RANBP2: variants seen among roughly 807,000 people sequenced by gnomAD.
RANBP2 encodes E3 SUMO-protein ligase RanBP2.
A neutral mutation model predicts 303.6 loss-of-function variants in RANBP2; 57 were observed. The ratio of observed to expected loss-of-function variants is 0.19; its 90% CI spans 0.15 to 0.23. The LOEUF (loss-of-function observed/expected upper bound fraction) is 0.23. Ranked by LOEUF, RANBP2 falls within the 10% of genes least tolerant of loss-of-function variation. The probability of loss-of-function intolerance (pLI) is 1.00; values close to 1 mark genes in which losing one functional copy is unlikely to be tolerated. For missense variants in RANBP2, 3,138 were observed against 3,780.8 expected (o/e 0.83, Z 4.46); for synonymous variants, 1,167 against 1,301.5 (o/e 0.90, Z 2.23).
chr2:109,516,210 C>T, the RANBP2 span, among the ~76,000 whole-genome samples: 4 of 152,082 alleles, frequency 2.6e-5, no homozygotes, highest in Admixed American at 6.5e-5. Context: ...CACATGGGCC[C>T]GAGCAGGTGA....
the RANBP2 span, among the ~76,000 whole-genome samples, chr2:109,078,211 G>GTGTATA: frequency 5.5e-5 from 2 of 36,478 alleles, 1 homozygote; most frequent in African/African-American, 2.2e-4. Context: ...TATATATAGC[G>GTGTATA]TATATATATA....
At chr2:109,659,102 C>A in the RANBP2 span, among the ~76,000 whole-genome samples, 1 of 149,868 alleles carries the variant, frequency 6.7e-6, no homozygotes, top group South Asian at 2.1e-4. Context: ...CACAGCCAAG[C>A]GCAGTGGCTT....
rs149298080 is a variant in RANBP2 at position 108,767,986 on chromosome 2, A to G, written c.7447A>G (p.Ile2483Val). ...AACCACAAGAGAGAGGACAGATGTT[A>G]TTCAGGGTGATGATGTAGCAGATGC... is the stretch of plus-strand genomic sequence containing the variant. ...EETTRERTDV[I>V]QGDDVADATS... Residue 2483 changes from isoleucine to valine, a missense_variant, in exon 20 of 29, where the codon ATT (isoleucine) becomes GTT (valine). By Grantham distance (29) the Ile-to-Val change is conservative (BLOSUM62 3). Transcript: ENST00000283195. 2 of 1,611,902 alleles carry G rather than the reference A, an allele frequency of 1.2e-6. No individual in the cohort carries two copies. The highest frequency in any genetic ancestry group is 1.7e-6 in the Non-Finnish European group (2 of 1,179,864).
the RANBP2 span, among the ~76,000 whole-genome samples, chr2:109,072,374 T>C: frequency 6.6e-6 from 1 of 152,168 alleles, no homozygotes; most frequent in Middle Eastern, 3.2e-3. Context: ...ATGCACTCAC[T>C]CTCCAGGCTT....
At chr2:109,705,059 G>A in the RANBP2 span, among the ~76,000 whole-genome samples, 3 of 142,604 alleles carry the variant, frequency 2.1e-5, no homozygotes, top group South Asian at 4.6e-4. Context: ...GGTCAACAGG[G>A]CAAGACTCCC....
chr2:108,824,700 A>T, the RANBP2 span, among the ~76,000 whole-genome samples: 1 of 152,240 alleles, frequency 6.6e-6, no homozygotes, highest in African/African-American at 2.4e-5. Flanking sequence ...TATCTTTATC[A>T]AGTAGTATGT....
At chr2:109,291,300 A>G in the RANBP2 span, among the ~76,000 whole-genome samples, 2 of 135,708 alleles carry the variant, frequency 1.5e-5, no homozygotes, top group South Asian at 4.6e-4. Flanking sequence ...TTTTTTTTGC[A>G]TTATGCTTGA....
chr2:109,392,957 G>A, the RANBP2 span, among the ~76,000 whole-genome samples: 1 of 152,334 alleles, frequency 6.6e-6, no homozygotes. Context: ...CAGTGTCAAA[G>A]GGAATCCTTC....
chr2:109,434,406 C>T, the RANBP2 span, among the ~76,000 whole-genome samples: 81 of 152,200 alleles, frequency 5.3e-4, 2 homozygotes, highest in African/African-American at 1.9e-3. Context: ...AGAACTTCCG[C>T]AGACCTTCAG....
the RANBP2 span, among the ~76,000 whole-genome samples, chr2:109,290,349 A>G: frequency 1.3e-5 from 2 of 152,250 alleles, no homozygotes; most frequent in East Asian, 3.9e-4. Context: ...TAAATGAGTG[A>G]TAAGAGAAAT....
the RANBP2 span, among the ~76,000 whole-genome samples, chr2:109,629,347 ATATATATATTTTTTTT>A: frequency 4.8e-4 from 3 of 6,302 alleles, no homozygotes; most frequent in African/African-American, 1.8e-3. Flanking sequence ...ATATATATAT[ATATATATATTTTTTTT>A]TTTTTTTTCA....
the RANBP2 span, among the ~76,000 whole-genome samples, chr2:108,982,568 A>C: frequency 6.6e-6 from 1 of 152,260 alleles, no homozygotes; most frequent in Non-Finnish European, 1.5e-5. Flanking sequence ...CAACTGTGAT[A>C]ATCATCAGGA....
the RANBP2 span, among the ~76,000 whole-genome samples, chr2:109,119,334 C>T: frequency 6.6e-6 from 1 of 152,180 alleles, no homozygotes; most frequent in African/African-American, 2.4e-5. Flanking sequence ...GCTCTTCCCC[C>T]GAGGTTGGTT....
chr2:109,426,407 T>C, the RANBP2 span, among the ~76,000 whole-genome samples: 2 of 152,128 alleles, frequency 1.3e-5, no homozygotes, highest in Non-Finnish European at 2.9e-5. Context: ...ATGGATGACT[T>C]TGAGTGGTTG....
the RANBP2 span, among the ~76,000 whole-genome samples, chr2:109,381,221 A>G: frequency 0.039 from 5,947 of 152,300 alleles, 288 homozygotes; most frequent in African/African-American, 0.11. Flanking sequence ...GTGGCCCTGG[A>G]GCAGGCTGCT....
the RANBP2 span, chr2:109,130,127 T>C: frequency 7.8e-7 from 1 of 1,287,258 alleles, no homozygotes; most frequent in Non-Finnish European, 9.8e-7. Context: ...AGTATCTGTC[T>C]CGGCGGAAGT....
the RANBP2 span, chr2:109,617,962 T>A: frequency 6.1e-6 from 1 of 163,352 alleles, no homozygotes; most frequent in East Asian, 2.0e-4. Flanking sequence ...GAGGTTGCAG[T>A]TGAGCCAAGA....
At chr2:108,719,755 C>T (rs1268070299) in intron 1 of RANBP2, 77 bp downstream of exon 1, 3 of 1,543,278 alleles carry the variant, frequency 1.9e-6, no homozygotes, top group Non-Finnish European at 2.6e-6. Flanking sequence ...GTCATGGCTC[C>T]CGACGGGCGC....
At chr2:108,995,707 C>T in the RANBP2 span, among the ~76,000 whole-genome samples, 1 of 152,220 alleles carries the variant, frequency 6.6e-6, no homozygotes, top group Non-Finnish European at 1.5e-5. Flanking sequence ...CAATGAGCCA[C>T]AGCAGGTGTC....
Sources: gnomAD v4.1 joint callset for allele counts (sites outside exome capture counted in the v4.1 genomes callset) on GRCh38, gnomAD v4.1.1 for gene constraint, MANE v1.5 for transcripts, NCBI Gene and HGNC (gene_info 2026-07-23, HGNC 2026-07-21) for gene names.